ZNF143: variants seen among roughly 807,000 people sequenced by gnomAD.
ZNF143 encodes the protein SPH-binding factor.
In ZNF143, 49 loss-of-function variants were observed where a neutral mutation model predicts 74.1. The ratio of observed to expected loss-of-function variants is 0.66; its 90% CI spans 0.53 to 0.84. The LOEUF is 0.84. Among genes scored for constraint, ZNF143 ranks in the 40% least tolerant of loss-of-function variants. ZNF143 has a pLI of 0.00. For synonymous variants in ZNF143, 304 were observed against 282.8 expected (o/e 1.07, Z -0.75); for missense variants, 637 against 793.4 (o/e 0.80, Z 2.37).
chr11:9,482,854 C>T (rs1847302325), intron 7 of ZNF143, among the ~76,000 whole-genome samples: 1 of 151,272 alleles, frequency 6.6e-6, no homozygotes, highest in African/African-American at 2.5e-5. Context: ...TGTAAAATAT[C>T]AATAATTTCT....
At chr11:9,469,217 T>C (rs1856426722) in intron 1 of ZNF143, among the ~76,000 whole-genome samples, 1 of 17,196 alleles carries the variant, frequency 5.8e-5, no homozygotes, top group Admixed American at 4.8e-4. Context: ...GCAGGGGTCT[T>C]TTTTTTTTTT....
chr11:9,518,362 G>A (rs533085040), intron 14 of ZNF143, among the ~76,000 whole-genome samples: 23 of 152,276 alleles, frequency 1.5e-4, no homozygotes, highest in African/African-American at 5.3e-4. Flanking sequence ...TATACTGCTA[G>A]TGGGAATGTA....
At chr11:9,486,426 AT>A (rs1215172362) in intron 7 of ZNF143, among the ~76,000 whole-genome samples, 1 of 48,688 alleles carries the variant, frequency 2.1e-5, no homozygotes, top group Admixed American at 3.9e-4. Context: ...TATATTATAT[AT>A]ATTATATATA....
chr11:9,479,621 A>G (rs2133923356), intron 7 of ZNF143, 75 bp downstream of exon 7: 1 of 1,210,346 alleles, frequency 8.3e-7, no homozygotes, highest in Non-Finnish European at 1.2e-6. Flanking sequence ...AAGCAAGAAT[A>G]GGTAACTCAC....
chr11:9,462,008 A>T (rs1298006044), intron 1 of ZNF143: 2 of 152,198 alleles, frequency 1.3e-5, no homozygotes, highest in Admixed American at 1.3e-4. Flanking sequence ...TTACCAGAAG[A>T]TACTTGTGTT....
chr11:9,523,323 G>A (rs560309185), intron 14 of ZNF143, among the ~76,000 whole-genome samples: 1 of 152,218 alleles, frequency 6.6e-6, no homozygotes, highest in Admixed American at 6.5e-5. Context: ...TTCAAATTCC[G>A]TCTCTCTTTG....
chr11:9,489,938 T>C (rs975393863), intron 7 of ZNF143, among the ~76,000 whole-genome samples: 8 of 152,154 alleles, frequency 5.3e-5, no homozygotes, highest in African/African-American at 2.4e-5. Context: ...CCAAACACTT[T>C]GGGAGGCTGA....
intron 1 of ZNF143, among the ~76,000 whole-genome samples, chr11:9,469,322 C>T (rs78832910): frequency 0.018 from 2,700 of 150,842 alleles, 73 homozygotes; most frequent in African/African-American, 0.061. Context: ...ACCTCCACCT[C>T]CCGGGTTCAG....
At chr11:9,480,206 G>A (rs996364721) in intron 7 of ZNF143, among the ~76,000 whole-genome samples, 2 of 152,170 alleles carry the variant, frequency 1.3e-5, no homozygotes, top group Non-Finnish European at 2.9e-5. Flanking sequence ...AGTCCCAGGT[G>A]CATTCTTGCA....
intron 7 of ZNF143, among the ~76,000 whole-genome samples, chr11:9,484,213 A>C (rs1465700323): frequency 6.7e-6 from 1 of 149,270 alleles, no homozygotes; most frequent in East Asian, 2.0e-4. Flanking sequence ...TTGTTTTTTG[A>C]GACAGGGTCT....
intron 10 of ZNF143, among the ~76,000 whole-genome samples, chr11:9,498,592 C>T (rs768613905): frequency 3.9e-5 from 6 of 152,040 alleles, no homozygotes; most frequent in African/African-American, 4.8e-5. Flanking sequence ...CTTACCTCCC[C>T]GACCATCTCC....
intron 12 of ZNF143, among the ~76,000 whole-genome samples, chr11:9,509,714 T>C (rs1350830502): frequency 6.6e-6 from 1 of 152,252 alleles, no homozygotes; most frequent in East Asian, 1.9e-4. Context: ...TGATTCCTTG[T>C]AGTCCTGATT....
At chr11:9,502,333 G>A (rs929719297) in intron 11 of ZNF143, among the ~76,000 whole-genome samples, 4 of 145,792 alleles carry the variant, frequency 2.7e-5, no homozygotes, top group African/African-American at 1.0e-4. Context: ...GTATGGGCCG[G>A]GCGCGGTGGC....
rs188077134 is a variant in ZNF143 at position 9,527,684 on chromosome 11, G to A, written c.*71G>A. 1.9e-5 allele frequency: 27 copies of A among 1,447,486 alleles called. No homozygotes were observed. The highest frequency in any genetic ancestry group is 3.5e-5 in the South Asian group (3 of 84,518). The allele number at this position is 1,447,486 out of a possible 1,614,324, so 89.7% of individuals were successfully genotyped here. A position where few individuals can be genotyped will look rare whatever the true frequency, so the allele number is the denominator to read the frequency against. Reference sequence around the variant, plus strand: ...CTGGCAGCAGAAATCCATGAAGCCCGGGCCCAGGAAAATTAGAAGTTTTCC... The same window carrying A: ...CTGGCAGCAGAAATCCATGAAGCCCAGGCCCAGGAAAATTAGAAGTTTTCC... On this transcript the variant is annotated 3_prime_UTR_variant, in exon 16 of 16. Coordinates refer to ENST00000396602, the MANE Select transcript of ZNF143 (RefSeq NM_003442.6).
chr11:9,495,257 A>G (rs548258322), intron 8 of ZNF143, among the ~76,000 whole-genome samples: 1 of 152,284 alleles, frequency 6.6e-6, no homozygotes, highest in South Asian at 2.1e-4. Flanking sequence ...CAGCCTGACC[A>G]ACATGGTGAA....
intron 11 of ZNF143, among the ~76,000 whole-genome samples, chr11:9,507,611 C>G (rs1200800011): frequency 6.6e-6 from 1 of 152,098 alleles, no homozygotes; most frequent in African/African-American, 2.4e-5. Context: ...ATTTGTTCCC[C>G]CACCCCAGCC....
At chr11:9,494,090 A>G (rs1479487490) in intron 7 of ZNF143, among the ~76,000 whole-genome samples, 7 of 152,196 alleles carry the variant, frequency 4.6e-5, no homozygotes, top group Admixed American at 4.6e-4. Context: ...TAGAGTAGGA[A>G]TAGATCTGTG....
intron 7 of ZNF143, among the ~76,000 whole-genome samples, chr11:9,490,486 A>G (rs1847732172): frequency 6.6e-6 from 1 of 151,252 alleles, no homozygotes; most frequent in South Asian, 2.1e-4. Context: ...GGGTTTTGCC[A>G]TGTTGCCCAG....
intron 10 of ZNF143, among the ~76,000 whole-genome samples, chr11:9,499,515 G>A (rs1565050404): frequency 6.6e-6 from 1 of 152,172 alleles, no homozygotes; most frequent in Admixed American, 6.5e-5. Flanking sequence ...TCCACCAATA[G>A]AGAAATCATA....
Sources: allele counts gnomAD v4.1 joint callset (sites outside exome capture counted in the v4.1 genomes callset), GRCh38; gene constraint gnomAD v4.1.1; transcripts MANE v1.5; gene names NCBI Gene and HGNC (gene_info 2026-07-23, HGNC 2026-07-21).